The following LINGO2 variants were observed in gnomAD, a reference collection of about 807,000 sequenced individuals.
LINGO2 encodes the protein leucine-rich repeat and immunoglobulin-like domain-containing nogo receptor-interacting protein 2.
In LINGO2, 14 loss-of-function variants were observed where a neutral mutation model predicts 30.6. That is an observed-to-expected ratio of 0.46 (90% CI 0.30 to 0.72). The LOEUF (loss-of-function observed/expected upper bound fraction) is 0.72, where lower values mean the gene tolerates loss of function less well. LINGO2 is among the 30% of genes least tolerant of loss of function. LINGO2 has a pLI of 0.07. For synonymous variants in LINGO2, 317 were observed against 288.5 expected (o/e 1.10, Z -1.00); for missense variants, 729 against 751.7 (o/e 0.97, Z 0.35).
At chr9:28,457,517 A>G (rs984987603) in intron 2 of LINGO2, among the ~76,000 whole-genome samples, 4 of 151,876 alleles carry the variant, frequency 2.6e-5, no homozygotes, top group African/African-American at 9.7e-5. Context: ...GGGCTCAAGC[A>G]ATTCTTCCTG....
intron 4 of LINGO2, among the ~76,000 whole-genome samples, chr9:28,119,831 A>G (rs1296940492): frequency 1.3e-5 from 2 of 152,210 alleles, no homozygotes; most frequent in Non-Finnish European, 2.9e-5. Context: ...AACTATAGGT[A>G]AATGCACTAT....
At chr9:28,429,211 CA>C (rs1427696500) in intron 2 of LINGO2, among the ~76,000 whole-genome samples, 1 of 152,122 alleles carries the variant, frequency 6.6e-6, no homozygotes, top group Non-Finnish European at 1.5e-5. Flanking sequence ...CCTGCCCCAG[CA>C]AACTTGCAGA....
the LINGO2 span, among the ~76,000 whole-genome samples, chr9:29,165,922 A>G: frequency 6.6e-6 from 1 of 152,034 alleles, no homozygotes; most frequent in Non-Finnish European, 1.5e-5. Flanking sequence ...ATATTATCTA[A>G]CTCCAAAGTC....
At chr9:28,907,922 A>G in the LINGO2 span, among the ~76,000 whole-genome samples, 1 of 151,672 alleles carries the variant, frequency 6.6e-6, no homozygotes, top group Non-Finnish European at 1.5e-5. Flanking sequence ...AGGGACAACT[A>G]CAGGCAAGGG....
chr9:28,638,820 T>C (rs1218298965), intron 1 of LINGO2, among the ~76,000 whole-genome samples: 3 of 152,160 alleles, frequency 2.0e-5, no homozygotes, highest in Admixed American at 2.0e-4. Flanking sequence ...TCTATTTCCT[T>C]CAGTTCTGCT....
chr9:28,945,541 G>A, the LINGO2 span, among the ~76,000 whole-genome samples: 1 of 152,046 alleles, frequency 6.6e-6, no homozygotes, highest in Non-Finnish European at 1.5e-5. Flanking sequence ...CTTCCAAATA[G>A]ACTGTAAAAC....
the LINGO2 span, among the ~76,000 whole-genome samples, chr9:28,823,426 G>A: frequency 6.6e-6 from 1 of 152,144 alleles, no homozygotes; most frequent in Non-Finnish European, 1.5e-5. Context: ...CTCCAGATAT[G>A]TAGCTCTTTT....
chr9:28,523,620 T>C (rs758664122), intron 1 of LINGO2, among the ~76,000 whole-genome samples: 1 of 152,128 alleles, frequency 6.6e-6, no homozygotes, highest in Non-Finnish European at 1.5e-5. Flanking sequence ...CAAAAATCAA[T>C]TGCATATACA....
chr9:28,718,823 C>A, the LINGO2 span, among the ~76,000 whole-genome samples: 4 of 152,028 alleles, frequency 2.6e-5, no homozygotes, highest in African/African-American at 9.7e-5. Context: ...TGTACTTCCC[C>A]TCCTGAACTT....
intron 4 of LINGO2, among the ~76,000 whole-genome samples, chr9:28,120,992 G>T (rs541746414): frequency 6.6e-6 from 1 of 152,262 alleles, no homozygotes; most frequent in African/African-American, 2.4e-5. Flanking sequence ...GTTACATATT[G>T]ATTTATTTAA....
intron 1 of LINGO2, among the ~76,000 whole-genome samples, chr9:28,588,748 T>C (rs949582175): frequency 4.6e-5 from 7 of 152,086 alleles, no homozygotes; most frequent in African/African-American, 1.7e-4. Context: ...CCTTAAATCC[T>C]GAGCTAAAAT....
chr9:28,318,595 A>G (rs1265912535), intron 3 of LINGO2, among the ~76,000 whole-genome samples: 2 of 152,208 alleles, frequency 1.3e-5, no homozygotes, highest in African/African-American at 2.4e-5. Flanking sequence ...ACAACTATAA[A>G]AAAAACAGTC....
At chr9:29,016,957 C>T in the LINGO2 span, among the ~76,000 whole-genome samples, 3 of 152,134 alleles carry the variant, frequency 2.0e-5, no homozygotes, top group Non-Finnish European at 2.9e-5. Flanking sequence ...CAAAACAACT[C>T]AGAGAGATTG....
At chr9:28,603,643 G>A (rs1272051098) in intron 1 of LINGO2, among the ~76,000 whole-genome samples, 1 of 151,872 alleles carries the variant, frequency 6.6e-6, no homozygotes, top group Admixed American at 6.6e-5. Flanking sequence ...TGTCTCCTTT[G>A]GGAAAAATGA....
chr9:28,897,121 A>G, the LINGO2 span, among the ~76,000 whole-genome samples: 1 of 152,184 alleles, frequency 6.6e-6, no homozygotes, highest in Admixed American at 6.6e-5. Flanking sequence ...TTAATGTGTT[A>G]CTACATAGTT....
chr9:29,074,052 A>G, the LINGO2 span, among the ~76,000 whole-genome samples: 2 of 152,152 alleles, frequency 1.3e-5, no homozygotes, highest in Non-Finnish European at 2.9e-5. Flanking sequence ...TTTTCTATAA[A>G]GAATCATAAA....
the LINGO2 span, among the ~76,000 whole-genome samples, chr9:28,861,210 T>A: frequency 1.8e-5 from 2 of 112,546 alleles, no homozygotes; most frequent in Non-Finnish European, 3.4e-5. Flanking sequence ...TATATATTTT[T>A]TATATAATAT....
At chr9:28,915,202 G>T in the LINGO2 span, among the ~76,000 whole-genome samples, 9 of 152,090 alleles carry the variant, frequency 5.9e-5, no homozygotes, top group Non-Finnish European at 7.4e-5. Flanking sequence ...GACACAGAAA[G>T]CTCAGGAAAA....
intron 1 of LINGO2, among the ~76,000 whole-genome samples, chr9:28,600,819 C>T (rs1825431020): frequency 6.6e-6 from 1 of 152,032 alleles, no homozygotes; most frequent in African/African-American, 2.4e-5. Flanking sequence ...CAGATTCTTT[C>T]TCAAAGTCTT....
Sources: allele counts gnomAD v4.1 joint callset (sites outside exome capture counted in the v4.1 genomes callset), GRCh38; gene constraint gnomAD v4.1.1; transcripts MANE v1.5; gene names NCBI Gene and HGNC (gene_info 2026-07-23, HGNC 2026-07-21).